MYO1E: variants seen among roughly 807,000 people sequenced by gnomAD.
The protein encoded by MYO1E is myosin IE, also known as unconventional myosin-Ie.
In MYO1E, 68 loss-of-function variants were observed where a neutral mutation model predicts 151.1. That is an observed-to-expected ratio of 0.45 (90% CI 0.37 to 0.55). The LOEUF is 0.55. Ranked by LOEUF, MYO1E falls within the 20% of genes least tolerant of loss-of-function variation. MYO1E has a pLI of 0.00. For synonymous variants in MYO1E, 601 were observed against 501.7 expected, an observed-to-expected ratio of 1.20 and a Z score of -2.64; for missense variants, 1,363 against 1,389.3, an observed-to-expected ratio of 0.98 and a Z score of 0.30.
At chr15:59,144,316 A>T (rs2079428213) in intron 26 of MYO1E, among the ~76,000 whole-genome samples, 2 of 151,780 alleles carry the variant, frequency 1.3e-5, no homozygotes, top group South Asian at 4.2e-4. Context: ...ACAGGCGCCC[A>T]CCACCACACC....
intron 1 of MYO1E, among the ~76,000 whole-genome samples, chr15:59,331,188 A>G (rs1423302192): frequency 6.6e-6 from 1 of 152,210 alleles, no homozygotes; most frequent in East Asian, 1.9e-4. Flanking sequence ...AATATTTACT[A>G]TCTAGCCTTT....
intron 1 of MYO1E, among the ~76,000 whole-genome samples, chr15:59,286,314 C>T (rs189921017): frequency 1.6e-4 from 25 of 152,300 alleles, no homozygotes; most frequent in African/African-American, 6.0e-4. Flanking sequence ...TAACCAACTA[C>T]TCACATGTTA....
chr15:59,136,475 A>G lies in MYO1E; in HGVS notation c.*905T>C, dbSNP rs149500157. The G allele has an allele frequency of 6.8e-5, 20 of 293,542 alleles. No individual in the cohort carries two copies. The highest frequency in any genetic ancestry group is 4.1e-4 in the African/African-American group (19 of 46,048). 18.2% of individuals were successfully genotyped at this position (293,542 alleles called of 1,614,324 possible). Reference sequence around the variant, plus strand: ...AGGGACTGACCTAGAAAGCAGTGACACTCCGTAGTTGGAAAAAAGCAGAGC... The same window carrying G: ...AGGGACTGACCTAGAAAGCAGTGACGCTCCGTAGTTGGAAAAAAGCAGAGC... On this transcript the variant is annotated 3_prime_UTR_variant, in exon 28 of 28. Coordinates refer to ENST00000288235, the MANE Select transcript of MYO1E (RefSeq NM_004998.4).
rs748173480 is a variant in MYO1E at position 59,147,596 on chromosome 15, C to CAAAAAAAAAAA, written c.3080+5983_3080+5993dup. On this transcript the variant is annotated intron_variant, in intron 26 of 27. Coordinates refer to ENST00000288235, the MANE Select transcript of MYO1E (RefSeq NM_004998.4). ...TGGGTGACAGAGTGAGACTCTGTCT[C>CAAAAAAAAAAA]AAAAAAAAAAAAAAAAAAACAATAC... Among the ~76,000 whole-genome samples, 36 of 66,026 alleles carry CAAAAAAAAAAA rather than the reference C, an allele frequency of 5.5e-4. 2 individuals are homozygous for CAAAAAAAAAAA. Among genetic ancestry groups the CAAAAAAAAAAA allele is most frequent in the Middle Eastern group, 0.013 (1 of 76 alleles). 43.3% of individuals were successfully genotyped at this position (66,026 alleles called of 152,430 possible).
Position 59,216,691 on chromosome 15 carries a change from TACACACACACAC to T in MYO1E, c.1107+1188_1107+1199del, listed in dbSNP as rs199582846. 6.4e-3 allele frequency among the ~76,000 whole-genome samples: 363 copies of T among 56,524 alleles called. 10 individuals carry two copies. Among genetic ancestry groups the T allele is most frequent in the African/African-American group, 0.025 (339 of 13,802 alleles). The allele number at this position is 56,524 out of a possible 152,430, so 37.1% of individuals were successfully genotyped here. A position where few individuals can be genotyped will look rare whatever the true frequency, so the allele number is the denominator to read the frequency against. On this transcript the variant is annotated intron_variant, in intron 10 of 27. Transcript: ENST00000288235. Reference sequence around the variant, plus strand: ...GTATATATATATATATATATACACATACACACACACACACACACACACACACACACACATAAT... The same window carrying T: ...GTATATATATATATATATATACACATACACACACACACACACACACATAAT...
Position 59,158,346 on chromosome 15 carries a change from C to A in MYO1E, c.2819G>T (p.Gly940Val). ...PTRRNTTQNT[G>V]YSSGTQNANY... ...GGCATTTTGAGTCCCACTGGAATAA[C>A]CTGTATTTTGGGTAGTGTTCCTTCT... Residue 940 changes from glycine to valine, a missense_variant, in exon 25 of 28, where the codon GGT (glycine) becomes GTT (valine). By Grantham distance (109) the Gly-to-Val change is moderately radical (BLOSUM62 -3). Transcript: ENST00000288235. 2 of 1,573,368 alleles carry A rather than the reference C, an allele frequency of 1.3e-6. No individual in the cohort carries two copies. The highest frequency in any genetic ancestry group is 4.6e-5 in the East Asian group (2 of 43,532).
intron 1 of MYO1E, among the ~76,000 whole-genome samples, chr15:59,302,937 C>T (rs1310132534): frequency 6.6e-6 from 1 of 152,180 alleles, no homozygotes; most frequent in Non-Finnish European, 1.5e-5. Flanking sequence ...CCTATGAATA[C>T]AATCTCTTAG....
chr15:59,372,405 C>T (rs1157250374), intron 1 of MYO1E, 93 bp downstream of exon 1: 3 of 1,474,582 alleles, frequency 2.0e-6, no homozygotes, highest in African/African-American at 2.8e-5. Flanking sequence ...CCACCCCTGG[C>T]CCCGGCAGCG....
At chr15:59,369,376 C>G (rs1351704226) in intron 1 of MYO1E, among the ~76,000 whole-genome samples, 2 of 152,160 alleles carry the variant, frequency 1.3e-5, no homozygotes, top group African/African-American at 4.8e-5. Flanking sequence ...TGCACAGAAA[C>G]CTTGCATAAA....
intron 4 of MYO1E, among the ~76,000 whole-genome samples, chr15:59,254,444 G>A (rs1423565697): frequency 6.6e-6 from 1 of 152,080 alleles, no homozygotes; most frequent in Admixed American, 6.5e-5. Context: ...CTGCCCCCTG[G>A]CTTCCCAAAG....
intron 1 of MYO1E, among the ~76,000 whole-genome samples, chr15:59,356,913 T>G (rs2080856709): frequency 6.7e-6 from 1 of 148,368 alleles, no homozygotes. Flanking sequence ...GTTTTTGGTT[T>G]TTTTTTTTTG....
chr15:59,355,495 T>C (rs1350035083), intron 1 of MYO1E, among the ~76,000 whole-genome samples: 1 of 152,202 alleles, frequency 6.6e-6, no homozygotes, highest in East Asian at 1.9e-4. Context: ...AAATGGACTC[T>C]AAAAAGCTCA....
At chr15:59,233,440 C>T (rs1480312087) in intron 5 of MYO1E, among the ~76,000 whole-genome samples, 2 of 152,020 alleles carry the variant, frequency 1.3e-5, no homozygotes. Context: ...CCAAGGCGGG[C>T]GGATCATGAG....
At chr15:59,276,903 C>T (rs1425930328) in intron 1 of MYO1E, among the ~76,000 whole-genome samples, 4 of 152,166 alleles carry the variant, frequency 2.6e-5, no homozygotes, top group African/African-American at 2.4e-5. Context: ...GGAGACAGCC[C>T]CAGGGTAGGC....
intron 22 of MYO1E, chr15:59,171,328 T>G (rs1413260739): frequency 6.2e-6 from 1 of 161,746 alleles, no homozygotes; most frequent in East Asian, 1.8e-4. Flanking sequence ...GCCAAGGTGC[T>G]GCCGGGAGGA....
chr15:59,313,769 A>G (rs34215092), intron 1 of MYO1E, among the ~76,000 whole-genome samples: 13,348 of 152,236 alleles, frequency 0.088, 1,100 homozygotes, highest in East Asian at 0.41. Flanking sequence ...AATAGAAGGA[A>G]TCAAAGTGAA....
At chr15:59,326,479 C>A (rs1283860907) in intron 1 of MYO1E, among the ~76,000 whole-genome samples, 1 of 152,096 alleles carries the variant, frequency 6.6e-6, no homozygotes, top group Non-Finnish European at 1.5e-5. Context: ...GCCGAGACTG[C>A]GCCACTGCAC....
chr15:59,194,966 G>A (rs1436966253), intron 17 of MYO1E, among the ~76,000 whole-genome samples: 1 of 152,128 alleles, frequency 6.6e-6, no homozygotes, highest in Admixed American at 6.5e-5. Context: ...TCAATACGGT[G>A]CTTAGGGGGA....
chr15:59,249,149 C>T (rs1448438087), intron 4 of MYO1E, among the ~76,000 whole-genome samples: 5 of 152,148 alleles, frequency 3.3e-5, no homozygotes, highest in African/African-American at 9.7e-5. Context: ...TGTGGCCAGG[C>T]GCGGTGGCTC....
Sources: allele counts gnomAD v4.1 joint callset (sites outside exome capture counted in the v4.1 genomes callset), GRCh38; gene constraint gnomAD v4.1.1; transcripts MANE v1.5; gene names NCBI Gene and HGNC (gene_info 2026-07-23, HGNC 2026-07-21).